The following MBNL1 variants were observed in gnomAD, a reference collection of about 807,000 sequenced individuals.
MBNL1 encodes muscleblind like splicing regulator 1, also known as muscleblind-like protein 1.
A neutral mutation model predicts 42.2 loss-of-function variants in MBNL1; 8 were observed. The observed-to-expected ratio is 0.19, with a 90% confidence interval of 0.11 to 0.34. The LOEUF is 0.34. Among genes scored for constraint, MBNL1 ranks in the 10% least tolerant of loss-of-function variants. MBNL1 has a pLI of 1.00. For missense variants in MBNL1, 309 were observed against 495.3 expected (o/e 0.62, Z 3.57); for synonymous variants, 169 against 173.9 (o/e 0.97, Z 0.22).
At chr3:152,385,129 C>T (rs1209997659) in intron 2 of MBNL1, among the ~76,000 whole-genome samples, 2 of 151,936 alleles carry the variant, frequency 1.3e-5, no homozygotes, top group East Asian at 3.8e-4. Flanking sequence ...TGCATCTTTG[C>T]TGTAATTTGA....
chr3:152,311,156 G>A (rs1290343414), intron 2 of MBNL1, among the ~76,000 whole-genome samples: 1 of 151,620 alleles, frequency 6.6e-6, no homozygotes, highest in Non-Finnish European at 1.5e-5. Flanking sequence ...TTACAGGCAT[G>A]CACCACCATG....
rs752943755 is a variant in MBNL1, at chr3:152,450,100, CA to C, written c.961+2345del. Among the ~76,000 whole-genome samples, 476 of 88,056 alleles carry C rather than the reference CA, an allele frequency of 5.4e-3. 1 individual carries two copies. The highest frequency in any genetic ancestry group is 0.018 in the African/African-American group (359 of 20,378). The allele number at this position is 88,056 out of a possible 152,430, so 57.8% of individuals were successfully genotyped here. On this transcript the variant is annotated intron_variant, in intron 6 of 9. Transcript: ENST00000324210. ...TGGGCAAAGGAGTGAGACTCCATCT[CA>C]AAAAAAAAAAAAAAAAACCACACAA...
chr3:152,251,971 A>C (rs58423941), intron 2 of MBNL1, among the ~76,000 whole-genome samples: 4,529 of 152,162 alleles, frequency 0.03, 212 homozygotes, highest in African/African-American at 0.1. Flanking sequence ...TACTGTAAGC[A>C]AAAGAACTCC....
At chr3:152,435,336 G>A (rs1468665732) in intron 4 of MBNL1, among the ~76,000 whole-genome samples, 2 of 152,130 alleles carry the variant, frequency 1.3e-5, no homozygotes, top group East Asian at 1.9e-4. Flanking sequence ...CTTTGTTGGA[G>A]ATCAAATGGT....
intron 2 of MBNL1, among the ~76,000 whole-genome samples, chr3:152,302,902 C>CG (rs2061322412): frequency 6.6e-6 from 1 of 152,026 alleles, no homozygotes; most frequent in South Asian, 2.1e-4. Flanking sequence ...CAAATACTCT[C>CG]TGAGAGGACC....
At chr3:152,380,391 T>C (rs2097131171) in intron 2 of MBNL1, among the ~76,000 whole-genome samples, 1 of 151,996 alleles carries the variant, frequency 6.6e-6, no homozygotes, top group South Asian at 2.1e-4. Context: ...TATGGTAAGG[T>C]CTAAACGGGC....
intron 1 of MBNL1, among the ~76,000 whole-genome samples, chr3:152,281,655 A>G (rs2048562260): frequency 6.6e-6 from 1 of 152,120 alleles, no homozygotes; most frequent in East Asian, 1.9e-4. Context: ...GTCGCTTCTG[A>G]GTGACATAGC....
At chr3:152,357,755 C>T (rs999257305) in intron 2 of MBNL1, among the ~76,000 whole-genome samples, 1 of 152,180 alleles carries the variant, frequency 6.6e-6, no homozygotes, top group Admixed American at 6.5e-5. Context: ...TATAGACTGA[C>T]ATGAGTGAGT....
At chr3:152,409,052 A>G (rs1397912417) in intron 2 of MBNL1, among the ~76,000 whole-genome samples, 1 of 152,226 alleles carries the variant, frequency 6.6e-6, no homozygotes, top group Non-Finnish European at 1.5e-5. Flanking sequence ...GAGCAACAAT[A>G]TACTTCGTGT....
At chr3:152,247,513 TC>T (rs1162453509) in intron 2 of MBNL1, among the ~76,000 whole-genome samples, 5 of 151,972 alleles carry the variant, frequency 3.3e-5, no homozygotes, top group African/African-American at 4.8e-5. Context: ...TCTGAATACT[TC>T]CATTTAAAAA....
upstream of MBNL1, chr3:152,266,086 T>C (rs957531619): frequency 6.6e-6 from 1 of 152,260 alleles, no homozygotes; most frequent in Non-Finnish European, 1.5e-5. Flanking sequence ...ATTCATGTTA[T>C]AATGTTATCC....
chr3:152,329,756 A>G (rs1214449166), intron 2 of MBNL1, among the ~76,000 whole-genome samples: 2 of 148,018 alleles, frequency 1.4e-5, no homozygotes, highest in East Asian at 3.9e-4. Flanking sequence ...AAATATATAT[A>G]TAATTTCTTT....
At chr3:152,304,947 T>C (rs1464429531) in intron 2 of MBNL1, among the ~76,000 whole-genome samples, 1 of 152,216 alleles carries the variant, frequency 6.6e-6, no homozygotes, top group African/African-American at 2.4e-5. Context: ...CGAATCAAGC[T>C]ACCTGCTGCA....
At chr3:152,361,246 T>C (rs1424910216) in intron 2 of MBNL1, among the ~76,000 whole-genome samples, 1 of 151,940 alleles carries the variant, frequency 6.6e-6, no homozygotes, top group Non-Finnish European at 1.5e-5. Context: ...CCTTAAAGAA[T>C]CTCATCTCAC....
At chr3:152,415,967 T>A (rs2098694810) in intron 3 of MBNL1, among the ~76,000 whole-genome samples, 1 of 152,246 alleles carries the variant, frequency 6.6e-6, no homozygotes, top group African/African-American at 2.4e-5. Context: ...TACATTTAAA[T>A]TCAAATGCAT....
At chr3:152,248,215 T>C (rs1473168895) in intron 2 of MBNL1, among the ~76,000 whole-genome samples, 1 of 152,084 alleles carries the variant, frequency 6.6e-6, no homozygotes, top group Non-Finnish European at 1.5e-5. Context: ...TGGGTGAATA[T>C]AGCTGAATTG....
intron 2 of MBNL1, among the ~76,000 whole-genome samples, chr3:152,402,344 C>T (rs2098263127): frequency 6.6e-6 from 1 of 152,192 alleles, no homozygotes; most frequent in African/African-American, 2.4e-5. Context: ...TTCTTATCCT[C>T]ATTTTCATAG....
intron 2 of MBNL1, among the ~76,000 whole-genome samples, chr3:152,320,148 G>T (rs530261480): frequency 1.3e-5 from 2 of 152,208 alleles, no homozygotes; most frequent in Admixed American, 6.6e-5. Flanking sequence ...AATTGAATGC[G>T]ATGTTTCTTC....
intron 2 of MBNL1, among the ~76,000 whole-genome samples, chr3:152,313,616 C>CA (rs2068462131): frequency 6.6e-6 from 1 of 152,158 alleles, no homozygotes; most frequent in South Asian, 2.1e-4. Context: ...ATCTGAATGA[C>CA]AGAGTTCAGT....
Sources: allele counts gnomAD v4.1 joint callset (sites outside exome capture counted in the v4.1 genomes callset), GRCh38; gene constraint gnomAD v4.1.1; transcripts MANE v1.5; gene names NCBI Gene and HGNC (gene_info 2026-07-23, HGNC 2026-07-21).